The following TMPRSS6 variants were observed in gnomAD, a reference collection of about 807,000 sequenced individuals.
The protein encoded by TMPRSS6 is transmembrane serine protease 6.
Under a neutral mutation model 101.5 loss-of-function variants are expected in TMPRSS6, and 67 were observed. The observed-to-expected ratio is 0.66, with a 90% CI of 0.54 to 0.81. The LOEUF (loss-of-function observed/expected upper bound fraction) is 0.81. TMPRSS6 is among the 30% of genes least tolerant of loss of function. The probability of loss-of-function intolerance (pLI) is 0.00; values close to 1 mark genes in which losing one functional copy is unlikely to be tolerated. For synonymous variants in TMPRSS6, 453 were observed against 464.9 expected, an observed-to-expected ratio of 0.97 and a Z score of 0.33; for missense variants, 1,034 against 1,088.7, an observed-to-expected ratio of 0.95 and a Z score of 0.71.
intron 10 of TMPRSS6, 81 bp downstream of exon 10, chr22:37,084,213 CA>C: frequency 8.0e-7 from 1 of 1,242,514 alleles, no homozygotes; most frequent in Non-Finnish European, 1.2e-6. Flanking sequence ...CTTGGGCTTC[CA>C]ATGAGGGGGT....
chr22:37,066,160 C>G lies in TMPRSS6; in HGVS notation c.2329G>C (p.Gly777Arg). 6.2e-7 allele frequency: 1 copy of G among 1,613,168 alleles called. No homozygotes were observed. The highest frequency in any genetic ancestry group is 8.5e-7 in the Non-Finnish European group (1 of 1,179,986). ...FLAGLVSWGLGCGRPNYFGVY... is the reference protein window; with the variant it reads ...FLAGLVSWGLRCGRPNYFGVY... ...CCGAAGTAGTTAGGCCGGCCACAGC[C>G]CAGGCCCCAGCTGACCAGCCCCGCC... Residue 777 changes from glycine (G) to arginine (R), a missense_variant, in exon 18 of 18, where the codon GGC (glycine) becomes CGC (arginine). Gly to Arg is a moderately radical substitution (Grantham distance 125, BLOSUM62 -2). Coordinates refer to ENST00000676104, the MANE Select transcript of TMPRSS6 (RefSeq NM_001374504.1).
chr22:37,103,256 G>A lies in TMPRSS6; in HGVS notation c.162C>T (p.Leu54=), dbSNP rs758310014. Residue 54 remains leucine, a synonymous_variant, in exon 2 of 18, where the codon CTC becomes CTT. Coordinates refer to ENST00000676104, the MANE Select transcript of TMPRSS6 (RefSeq NM_001374504.1). The surrounding 1 kb of genome is among the most constrained non-coding windows in gnomAD (Gnocchi z 4.4). ...GTAGCACCCCCGCCGAAGCCAGCAC[G>A]AGCAGGGCCAGCAGCACAAACAGGG... The part of the protein sequence containing the change: ...LVPLFVLLAL[L]VLASAGVLLW... 27 of 1,613,950 alleles carry A rather than the reference G, an allele frequency of 1.7e-5. No individual in the cohort carries two copies. The highest frequency in any genetic ancestry group is 1.1e-4 in the East Asian group (5 of 44,890).
intron 7 of TMPRSS6, among the ~76,000 whole-genome samples, chr22:37,088,044 G>A (rs1928924536): frequency 6.6e-6 from 1 of 152,090 alleles, no homozygotes; most frequent in Admixed American, 6.5e-5. Context: ...TGGGATGAGA[G>A]AGCCACCAGG....
intron 6 of TMPRSS6, among the ~76,000 whole-genome samples, chr22:37,094,158 G>A (rs185485834): frequency 2.7e-3 from 406 of 152,162 alleles, no homozygotes; most frequent in Middle Eastern, 6.8e-3. Context: ...AGGCTCTCAG[G>A]AGTAATATCT....
At position 37,071,048 on chromosome 22, in the gene TMPRSS6, T is replaced by C. The variant is rs1568997902; in HGVS notation, c.1556-16A>G. Reference sequence around the variant, plus strand: ...CATGGCACCCCTGGGACAGAGGGGATGGGGGCAGGGCACAGAAGGTGGGTC... The same window carrying C: ...CATGGCACCCCTGGGACAGAGGGGACGGGGGCAGGGCACAGAAGGTGGGTC... On this transcript the variant is annotated splice_polypyrimidine_tract_variant and intron_variant, in intron 13 of 17. Coordinates refer to ENST00000676104, the MANE Select transcript of TMPRSS6 (RefSeq NM_001374504.1). 5 of 1,610,500 alleles carry C rather than the reference T, an allele frequency of 3.1e-6. No homozygotes were observed. Among genetic ancestry groups the C allele is most frequent in the Non-Finnish European group, 4.2e-6 (5 of 1,178,398 alleles).
At position 37,086,416 on chromosome 22, in the gene TMPRSS6, C is replaced by T. The variant is rs1261994701; in HGVS notation, c.840G>A (p.Val280=). 4.4e-6 allele frequency: 7 copies of T among 1,582,408 alleles called. No individual in the cohort carries two copies. Among genetic ancestry groups the T allele is most frequent in the Non-Finnish European group, 8.6e-7 (1 of 1,164,160 alleles). ...CGGGCTCCTGGCGGCTGCAGCCGTA[C>T]ACCCTGGCAGAACAGAAAGGTGGCA... The part of the protein sequence containing the change: ...GPLEKRLITS[V]YGCSRQEPVV... The change falls in exon 8 of 18, where the codon GTG becomes GTA. Residue 280 remains valine (V), a synonymous_variant. Transcript: ENST00000676104.
chr22:37,082,887 A>C, intron 10 of TMPRSS6: 1 of 449,568 alleles, frequency 2.2e-6, no homozygotes. Context: ...GTCCCAGATA[A>C]ATTGCAAAAA....
intron 13 of TMPRSS6, among the ~76,000 whole-genome samples, chr22:37,072,424 GATGGATT>G (rs1927102196): frequency 2.7e-5 from 4 of 147,774 alleles, no homozygotes; most frequent in African/African-American, 2.5e-5. Flanking sequence ...ATGATGGATT[GATGGATT>G]GATGGATGAT....
chr22:37,075,880 C>T (rs1172793904), intron 10 of TMPRSS6, among the ~76,000 whole-genome samples: 4 of 141,136 alleles, frequency 2.8e-5, no homozygotes, highest in Non-Finnish European at 4.5e-5. Flanking sequence ...CCAGCCTGGG[C>T]AATAAGAACG....
rs978255345 is a variant in TMPRSS6 at position 37,107,071 on chromosome 22, C to T, written c.-2+2432G>A. On this transcript the variant is annotated intron_variant, in intron 1 of 17. Coordinates refer to ENST00000676104, the MANE Select transcript of TMPRSS6 (RefSeq NM_001374504.1). The stretch of plus-strand genomic sequence containing the variant: ...ACAGCCCGTCACATGAGTGAAGGAT[C>T]AGAAAGAATGAGTGAATGAAACTGC... Among the ~76,000 whole-genome samples the T allele has an allele frequency of 4.6e-5, 7 of 152,362 alleles. No individual in the cohort carries two copies. The South Asian group carries it at 1.0e-3, about 23-fold the overall frequency.
rs944695249 is a variant in TMPRSS6, at chr22:37,066,826, C to A, written c.2250G>T (p.Gln750His). 5.0e-6 allele frequency: 8 copies of A among 1,614,206 alleles called. No individual in the cohort carries two copies. The highest frequency in any genetic ancestry group is 6.8e-6 in the Non-Finnish European group (8 of 1,180,028). Residue 750 changes from glutamine (Q) to histidine (H), a missense_variant and splice_region_variant, in exon 17 of 18, where the codon CAG (glutamine) becomes CAT (histidine). Transcript: ENST00000676104. ...TCCCTCCCATGCCCGGGGGACTCAC[C>A]TGACAGGCATCCTTCTTGCCCTTGC... ...GYRKGKKDAC[Q>H]GDSGGPLVCK...
intron 6 of TMPRSS6, among the ~76,000 whole-genome samples, chr22:37,094,831 AC>A (rs1461207922): frequency 6.6e-6 from 1 of 152,078 alleles, no homozygotes; most frequent in African/African-American, 2.4e-5. Context: ...TGAGACGCTC[AC>A]CCCCACCTTG....
At position 37,108,584 on chromosome 22, in the gene TMPRSS6, C is replaced by T. The variant is rs529717599; in HGVS notation, c.-2+919G>A. Among the ~76,000 whole-genome samples the T allele has an allele frequency of 3.9e-5, 6 of 152,286 alleles. No individual in the cohort carries two copies. In the South Asian group the frequency reaches 6.2e-4, roughly 16 times the overall value. On this transcript the variant is annotated intron_variant, in intron 1 of 17. Coordinates refer to ENST00000676104, the MANE Select transcript of TMPRSS6 (RefSeq NM_001374504.1). ...CTGCTGGAGGCTGAGCTCCTTGGGG[C>T]GGGGCCGCGACTCCCCCAGCAATGC...
intron 7 of TMPRSS6, among the ~76,000 whole-genome samples, chr22:37,087,234 C>G (rs937518708): frequency 2.6e-5 from 4 of 152,170 alleles, no homozygotes; most frequent in Non-Finnish European, 5.9e-5. Context: ...TGGAGTCCAG[C>G]GCATCTGATG....
intron 7 of TMPRSS6, 111 bp downstream of exon 7, chr22:37,089,467 G>A (rs1929038166): frequency 9.2e-7 from 1 of 1,083,212 alleles, no homozygotes; most frequent in African/African-American, 1.6e-5. Context: ...AGATACCCAG[G>A]CCCAAGGTCC....
At position 37,073,657 on chromosome 22, in the gene TMPRSS6, C is replaced by T. The variant is rs1160076045; in HGVS notation, c.1442-12G>A. 1.9e-6 allele frequency: 3 copies of T among 1,596,708 alleles called. No homozygotes were observed. The highest frequency in any genetic ancestry group is 2.2e-5 in the East Asian group (1 of 44,792). ...TGTGGCTCTGCAAACTGTGTGGGGA[C>T]ACAGAGAGGGGACAGGTGGGAGGAA... On this transcript the variant is annotated splice_polypyrimidine_tract_variant and intron_variant, in intron 12 of 17. Coordinates refer to ENST00000676104, the MANE Select transcript of TMPRSS6 (RefSeq NM_001374504.1).
At chr22:37,087,980 C>T (rs1300299379) in intron 7 of TMPRSS6, among the ~76,000 whole-genome samples, 1 of 152,120 alleles carries the variant, frequency 6.6e-6, no homozygotes, top group Admixed American at 6.5e-5. Flanking sequence ...GGGGTACAAG[C>T]TTGAGAACCC....
chr22:37,090,112 G>A (rs1929134007), intron 6 of TMPRSS6, among the ~76,000 whole-genome samples: 1 of 152,248 alleles, frequency 6.6e-6, no homozygotes, highest in Non-Finnish European at 1.5e-5. Context: ...GAATAGCTCA[G>A]GAGGTGACGG....
At chr22:37,102,797 T>C (rs951517170) in intron 2 of TMPRSS6, among the ~76,000 whole-genome samples, 3 of 152,072 alleles carry the variant, frequency 2.0e-5, no homozygotes, top group African/African-American at 4.8e-5. Context: ...CACTAATTGG[T>C]ACCAGGTACC....
Sources: allele counts gnomAD v4.1 joint callset (sites outside exome capture counted in the v4.1 genomes callset), GRCh38; gene constraint gnomAD v4.1.1; non-coding constraint Gnocchi (gnomAD v3.1); transcripts MANE v1.5; gene names NCBI Gene and HGNC (gene_info 2026-07-23, HGNC 2026-07-21).